Variants in GDA observed in about 807,000 individuals in gnomAD.
GDA encodes the protein guanine deaminase, also known as cytoplasmic PSD-95 interactor.
In GDA, 18 loss-of-function variants were observed where a neutral mutation model predicts 59.6. The observed-to-expected ratio is 0.30, with a 90% confidence interval of 0.21 to 0.45. The LOEUF is 0.45. Among genes scored for constraint, GDA ranks in the 20% least tolerant of loss-of-function variants. The pLI is 1.00. For missense variants in GDA, 427 were observed against 552.3 expected (o/e 0.77, Z 2.27); for synonymous variants, 201 against 201.1 (o/e 1.00, Z 0.00).
At chr9:72,182,039 C>G (rs1336172631) in intron 1 of GDA, among the ~76,000 whole-genome samples, 1 of 152,160 alleles carries the variant, frequency 6.6e-6, no homozygotes, top group Non-Finnish European at 1.5e-5. Context: ...CACACACACA[C>G]ATTTTTCTGG....
intron 3 of GDA, among the ~76,000 whole-genome samples, chr9:72,205,132 A>AT (rs1834535224): frequency 2.0e-5 from 3 of 150,724 alleles, no homozygotes; most frequent in Admixed American, 6.6e-5. Flanking sequence ...AAAAAAAAAA[A>AT]TTGCGGAGCA....
intron 1 of GDA, among the ~76,000 whole-genome samples, chr9:72,176,605 G>A (rs1056841435): frequency 1.2e-4 from 18 of 152,198 alleles, no homozygotes; most frequent in African/African-American, 4.1e-4. Flanking sequence ...TTCCAACTAC[G>A]AGGAGTTCAC....
chr9:72,172,455 G>A (rs1392435851), intron 1 of GDA, among the ~76,000 whole-genome samples: 2 of 152,180 alleles, frequency 1.3e-5, no homozygotes, highest in Non-Finnish European at 2.9e-5. Flanking sequence ...TTTGCAGATA[G>A]TAAGAAGCAG....
intron 10 of GDA, among the ~76,000 whole-genome samples, chr9:72,237,081 A>G (rs1839091692): frequency 6.6e-6 from 1 of 151,552 alleles, no homozygotes; most frequent in African/African-American, 2.4e-5. Flanking sequence ...CGCCTGGCAC[A>G]AAACCCCTTC....
chr9:72,200,037 A>G (rs370769033), intron 2 of GDA, among the ~76,000 whole-genome samples: 7 of 126,312 alleles, frequency 5.5e-5, no homozygotes, highest in African/African-American at 9.4e-5. Flanking sequence ...TCGCTCTGTC[A>G]CCCAGGCTGG....
intron 2 of GDA, among the ~76,000 whole-genome samples, chr9:72,196,182 A>C (rs1833147949): frequency 6.6e-6 from 1 of 151,906 alleles, no homozygotes; most frequent in Non-Finnish European, 1.5e-5. Context: ...TACAGTTCTT[A>C]AAGAAATGAT....
intron 1 of GDA, among the ~76,000 whole-genome samples, chr9:72,161,285 G>C (rs1828604374): frequency 6.6e-6 from 1 of 152,168 alleles, no homozygotes. Context: ...GAGCTTGAAG[G>C]CAGGTTCACA....
At chr9:72,212,295 A>T (rs1835478238) in intron 4 of GDA, among the ~76,000 whole-genome samples, 1 of 152,098 alleles carries the variant, frequency 6.6e-6, no homozygotes, top group Admixed American at 6.6e-5. Context: ...ATCCTGGCTA[A>T]CATGGTGAAA....
At chr9:72,157,822 G>T (rs1455896734) in intron 1 of GDA, among the ~76,000 whole-genome samples, 1 of 152,140 alleles carries the variant, frequency 6.6e-6, no homozygotes, top group African/African-American at 2.4e-5. Flanking sequence ...AATTCTTTCT[G>T]TTGCTTCATT....
At chr9:72,253,761 A>T (rs986558861), downstream of GDA, among the ~76,000 whole-genome samples, 1 of 152,166 alleles carries the variant, frequency 6.6e-6, no homozygotes, top group African/African-American at 2.4e-5. Flanking sequence ...CAGTTTGCAC[A>T]TTGTAGACAC....
chr9:72,179,050 C>T (rs1338475817), intron 1 of GDA, among the ~76,000 whole-genome samples: 1 of 152,134 alleles, frequency 6.6e-6, no homozygotes, highest in Non-Finnish European at 1.5e-5. Flanking sequence ...TGATATGTTT[C>T]CAGAGTTCTC....
At chr9:72,123,185 C>CTTT (rs530381322) in intron 1 of GDA, among the ~76,000 whole-genome samples, 13,994 of 125,962 alleles carry the variant, frequency 0.11, 1,601 homozygotes, top group African/African-American at 0.28. Context: ...TTTTTCTTCC[C>CTTT]TTTTTTTTTT....
intron 1 of GDA, among the ~76,000 whole-genome samples, chr9:72,150,327 ACACACACACG>A (rs983709948): frequency 2.6e-5 from 4 of 151,764 alleles, no homozygotes; most frequent in South Asian, 2.1e-4. Context: ...GTACACACAC[ACACACACACG>A]CACGCACACA....
At chr9:72,236,776 ATT>A (rs201065067) in intron 10 of GDA, among the ~76,000 whole-genome samples, 33,352 of 100,734 alleles carry the variant, frequency 0.33, 3,756 homozygotes, top group East Asian at 0.45. Context: ...AACCACTCCT[ATT>A]TTTTTTTTTT....
At chr9:72,231,293 T>C in intron 10 of GDA, 112 bp downstream of exon 10, 1 of 677,956 alleles carries the variant, frequency 1.5e-6, no homozygotes, top group Non-Finnish European at 2.7e-6. Context: ...AAATTAGTTT[T>C]GGGCCGGGCA....
chr9:72,123,518 G>A (rs368370287), intron 1 of GDA, among the ~76,000 whole-genome samples: 9 of 89,926 alleles, frequency 1.0e-4, no homozygotes, highest in Admixed American at 1.6e-4. Context: ...ACAGAATTTC[G>A]CTCTTGTTGC....
At chr9:72,214,744 CT>C in intron 5 of GDA, 8 of 287,088 alleles carry the variant, frequency 2.8e-5, no homozygotes, top group East Asian at 1.4e-4. Context: ...CTTTTCTTTT[CT>C]TTTTTTGAGA....
chr9:72,205,987 A>G (rs1384538306), intron 3 of GDA, among the ~76,000 whole-genome samples: 1 of 152,212 alleles, frequency 6.6e-6, no homozygotes, highest in Non-Finnish European at 1.5e-5. Flanking sequence ...TCTTTAAGTC[A>G]AGATTGTAGA....
At chr9:72,228,141 C>G (rs2131626743) in intron 9 of GDA, 101 bp downstream of exon 9, 1 of 725,932 alleles carries the variant, frequency 1.4e-6, no homozygotes, top group East Asian at 2.7e-5. Flanking sequence ...GATCTCCCCT[C>G]TATTCTGTGT....
Sources: allele counts gnomAD v4.1 joint callset (sites outside exome capture counted in the v4.1 genomes callset), GRCh38; gene constraint gnomAD v4.1.1; transcripts MANE v1.5; gene names NCBI Gene and HGNC (gene_info 2026-07-23, HGNC 2026-07-21).